ORC5: variants seen among roughly 807,000 people sequenced by gnomAD.
ORC5 encodes protein phosphatase 1, regulatory subunit 117.
Under a neutral mutation model 58.8 loss-of-function variants are expected in ORC5, and 39 were observed. The ratio of observed to expected loss-of-function variants is 0.66; its 90% CI spans 0.51 to 0.87. ORC5 has a LOEUF of 0.87. Ranked by LOEUF, ORC5 falls within the 40% of genes least tolerant of loss-of-function variation. The pLI is 0.00. For synonymous variants in ORC5, 218 were observed against 177.6 expected, an observed-to-expected ratio of 1.23 and a Z score of -1.81; for missense variants, 493 against 506.3, an observed-to-expected ratio of 0.97 and a Z score of 0.25.
In ORC5 at chr7:104,197,751, G is replaced by T. The variant is rs1799835394; in HGVS notation, c.415C>A (p.Pro139Thr). 2 of 1,598,230 alleles carry T rather than the reference G, an allele frequency of 1.3e-6. No individual in the cohort carries two copies. The highest frequency in any genetic ancestry group is 1.3e-5 in the African/African-American group (1 of 74,110). The change falls in exon 4 of 14, where the codon CCT (proline) becomes ACT (threonine). Residue 139 changes from proline to threonine, a missense_variant. By Grantham distance (38) the Pro-to-Thr change is conservative. Coordinates refer to ENST00000297431, the MANE Select transcript of ORC5 (RefSeq NM_002553.4). Reference protein sequence around the residue: ...YLRDMEANLLPGFLRLQELAD... With the variant: ...YLRDMEANLLTGFLRLQELAD... ...AATTCTTGTAATCTAAGAAATCCAG[G>T]CAAAAGATTTGCTTCCATATCTCTT...
chr7:104,133,628 G>A lies in ORC5; in HGVS notation c.1262+3153C>T, dbSNP rs914348611. 1.3e-5 allele frequency among the ~76,000 whole-genome samples: 2 copies of A among 152,068 alleles called. No individual in the cohort carries two copies. The highest frequency in any genetic ancestry group is 4.8e-5 in the African/African-American group (2 of 41,366). On this transcript the variant is annotated intron_variant, in intron 13 of 13. Transcript: ENST00000297431. This position sits in a 1 kb window ranked among gnomAD's most constrained non-coding sequence, Gnocchi z 4.7. ...ATAGGTCTGGTCTTTAAAAACAGGG[G>A]CATTATTAATACACAGATGATTGTT...
intron 12 of ORC5, among the ~76,000 whole-genome samples, chr7:104,148,345 G>A (rs1292740889): frequency 1.3e-5 from 2 of 152,134 alleles, no homozygotes; most frequent in African/African-American, 4.8e-5. Context: ...TTTGTTGGGC[G>A]AGATTAGGAA....
chr7:104,142,321 T>C (rs1038398517), intron 12 of ORC5, among the ~76,000 whole-genome samples: 10 of 152,148 alleles, frequency 6.6e-5, no homozygotes, highest in African/African-American at 9.6e-5. Flanking sequence ...CTCCCTGATA[T>C]TAGTTTTGGC....
In ORC5 at chr7:104,167,788, T is replaced by C. The variant is rs145233545; in HGVS notation, c.877+685A>G. Reference sequence around the variant, plus strand: ...TGAGCTGGGTTCAAGGTCAAACAGATAGAAAGTAGTGCAAATCAATTATTA... The same window carrying C: ...TGAGCTGGGTTCAAGGTCAAACAGACAGAAAGTAGTGCAAATCAATTATTA... On this transcript the variant is annotated intron_variant, in intron 9 of 13. Transcript: ENST00000297431. Among the ~76,000 whole-genome samples the C allele has an allele frequency of 1.7e-3, 261 of 152,266 alleles. 4 individuals are homozygous for C. Among genetic ancestry groups the C allele is most frequent in the African/African-American group, 5.5e-3 (228 of 41,566 alleles).
At chr7:104,152,325 G>T (rs1481076103) in intron 12 of ORC5, among the ~76,000 whole-genome samples, 1 of 151,946 alleles carries the variant, frequency 6.6e-6, no homozygotes, top group East Asian at 1.9e-4. Context: ...TTTATTTATT[G>T]TAGATACAGG....
intron 12 of ORC5, among the ~76,000 whole-genome samples, chr7:104,149,033 CA>C (rs35619742): frequency 0.8 from 98,453 of 122,738 alleles, 38,427 homozygotes; most frequent in African/African-American, 0.89. Flanking sequence ...GACTCCGTCT[CA>C]AAAAAAAAAA....
Position 104,129,459 on chromosome 7 carries a change from A to G in ORC5, c.1263-2566T>C, listed in dbSNP as rs541152584. 9.8e-5 allele frequency among the ~76,000 whole-genome samples: 15 copies of G among 152,324 alleles called. No individual in the cohort carries two copies. The South Asian group carries it at 3.1e-3, about 32-fold the overall frequency. ...AAGAAACATTTACTTCCCAAGATGT[A>G]TCACTATCTCTACCATTCCTCCACC... On this transcript the variant is annotated intron_variant, in intron 13 of 13. Coordinates refer to ENST00000297431, the MANE Select transcript of ORC5 (RefSeq NM_002553.4). The surrounding 1 kb of genome is among the most constrained non-coding windows in gnomAD (Gnocchi z 4.9).
At position 104,207,951 on chromosome 7, in the gene ORC5, C is replaced by T. The variant is rs1340155773; in HGVS notation, c.-47G>A. ...GGCCAGTGCAGCCAGCCCACAGGACCCTTGCACAAGACGGAGCCTCTCCCG... is the reference window on the plus strand; with the variant it reads ...GGCCAGTGCAGCCAGCCCACAGGACTCTTGCACAAGACGGAGCCTCTCCCG... On this transcript the variant is annotated 5_prime_UTR_variant, in exon 1 of 14. Coordinates refer to ENST00000297431, the MANE Select transcript of ORC5 (RefSeq NM_002553.4). The T allele has an allele frequency of 6.4e-7, 1 of 1,568,258 alleles. No homozygotes were observed. The highest frequency in any genetic ancestry group is 1.4e-5 in the African/African-American group (1 of 73,998).
At chr7:104,183,877 A>G in intron 8 of ORC5, 66 bp downstream of exon 8, 1 of 1,051,082 alleles carries the variant, frequency 9.5e-7, no homozygotes. Context: ...CTGTTATTTA[A>G]GTTGAGAGAG....
At chr7:104,127,651 C>G (rs909010506) in intron 13 of ORC5, among the ~76,000 whole-genome samples, 1 of 152,072 alleles carries the variant, frequency 6.6e-6, no homozygotes, top group African/African-American at 2.4e-5. Context: ...AATAATCATC[C>G]ATGTGAGAAC....
intron 9 of ORC5, 78 bp downstream of exon 9, chr7:104,168,395 C>G: frequency 6.4e-7 from 1 of 1,553,810 alleles, no homozygotes; most frequent in Non-Finnish European, 8.7e-7. Flanking sequence ...ACTGAATGCT[C>G]TTTAGTATTA....
At chr7:104,190,568 A>G (rs1051784920) in intron 5 of ORC5, among the ~76,000 whole-genome samples, 1 of 152,100 alleles carries the variant, frequency 6.6e-6, no homozygotes, top group African/African-American at 2.4e-5. Context: ...CATATTTTAG[A>G]AACACAGTAA....
intron 2 of ORC5, 40 bp downstream of exon 2, chr7:104,204,102 C>T (rs766802439): frequency 8.5e-7 from 1 of 1,173,334 alleles, no homozygotes. Context: ...ATATTATACA[C>T]TAAAAATGGC....
At position 104,129,971 on chromosome 7, in the gene ORC5, T is replaced by G. The variant is rs767520447; in HGVS notation, c.1263-3078A>C. 3.3e-5 allele frequency among the ~76,000 whole-genome samples: 5 copies of G among 152,214 alleles called. No individual in the cohort carries two copies. The highest frequency in any genetic ancestry group is 7.3e-5 in the Non-Finnish European group (5 of 68,038). ...TTTGCCTTTATCCTTTTATTTCATT[T>G]TGTTGATTCATTAAAATACTTTTTC... On this transcript the variant is annotated intron_variant, in intron 13 of 13. Transcript: ENST00000297431. This position sits in a 1 kb window ranked among gnomAD's most constrained non-coding sequence, Gnocchi z 4.9.
At chr7:104,170,208 G>GT (rs911043850) in intron 8 of ORC5, among the ~76,000 whole-genome samples, 10 of 152,040 alleles carry the variant, frequency 6.6e-5, no homozygotes, top group African/African-American at 2.4e-4. Flanking sequence ...AAGCTCAGAG[G>GT]TTTTTTTCTG....
chr7:104,199,702 G>A (rs10155973), intron 3 of ORC5, among the ~76,000 whole-genome samples: 14,388 of 152,198 alleles, frequency 0.095, 1,092 homozygotes, highest in African/African-American at 0.21. Flanking sequence ...ATGAGACTTT[G>A]GACTTGGACT....
Position 104,136,392 on chromosome 7 carries a change from C to T in ORC5, c.1262+389G>A, listed in dbSNP as rs530722965. Among the ~76,000 whole-genome samples, 71 of 152,152 alleles carry T rather than the reference C, an allele frequency of 4.7e-4. No individual in the cohort carries two copies. Among genetic ancestry groups the T allele is most frequent in the African/African-American group, 1.5e-3 (62 of 41,500 alleles). On this transcript the variant is annotated intron_variant, in intron 13 of 13. Transcript: ENST00000297431. The surrounding 1 kb of genome is among the most constrained non-coding windows in gnomAD (Gnocchi z 4.2). Reference sequence around the variant, plus strand: ...CCTGACCTAGACACTATATTTCTATCAGTGTTACCTAAGTCAGGATTTTTA... The same window carrying T: ...CCTGACCTAGACACTATATTTCTATTAGTGTTACCTAAGTCAGGATTTTTA...
chr7:104,140,050 C>T (rs1266268214), intron 12 of ORC5, among the ~76,000 whole-genome samples: 3 of 152,002 alleles, frequency 2.0e-5, no homozygotes, highest in Non-Finnish European at 4.4e-5. Flanking sequence ...AATGTCTTAG[C>T]TTACAGTGTA....
chr7:104,130,047 T>A (rs2115724849), intron 13 of ORC5, among the ~76,000 whole-genome samples: 1 of 152,226 alleles, frequency 6.6e-6, no homozygotes, highest in African/African-American at 2.4e-5. Flanking sequence ...GCAGTTTGAG[T>A]TTGAGATTTT....
Sources: gnomAD v4.1 joint callset for allele counts (sites outside exome capture counted in the v4.1 genomes callset) on GRCh38, gnomAD v4.1.1 for gene constraint, Gnocchi (gnomAD v3.1) non-coding constraint, MANE v1.5 for transcripts, NCBI Gene and HGNC (gene_info 2026-07-23, HGNC 2026-07-21) for gene names.